The following DMGDH variants were observed in gnomAD, a reference collection of about 807,000 sequenced individuals.
The protein encoded by DMGDH is dimethylglycine dehydrogenase.
A neutral mutation model predicts 95.2 loss-of-function variants in DMGDH; 76 were observed. That is an observed-to-expected ratio of 0.80 (90% confidence interval 0.66 to 0.97). The LOEUF is 0.97. DMGDH is among the 50% of genes least tolerant of loss of function. DMGDH has a pLI of 0.00. For synonymous variants in DMGDH, 345 were observed against 377.6 expected (o/e 0.91, Z 1.00); for missense variants, 987 against 1,055.0 (o/e 0.94, Z 0.89).
chr5:79,042,567 A>ATC, intron 6 of DMGDH, 86 bp from the exon 7 acceptor site: 3 of 1,312,222 alleles, frequency 2.3e-6, no homozygotes, highest in Non-Finnish European at 3.3e-6. Context: ...CATGGCCTAC[A>ATC]TTTAAAGATG....
intron 3 of DMGDH, among the ~76,000 whole-genome samples, chr5:79,055,251 C>T (rs1224902181): frequency 6.6e-6 from 1 of 152,214 alleles, no homozygotes; most frequent in East Asian, 1.9e-4. Flanking sequence ...GTTCCTAAGG[C>T]CATGCTAATC....
chr5:79,061,478 G>A (rs964407018), intron 2 of DMGDH, among the ~76,000 whole-genome samples: 3 of 152,094 alleles, frequency 2.0e-5, no homozygotes, highest in Non-Finnish European at 4.4e-5. Context: ...ATGCAAAGCA[G>A]GATAATGCCT....
Position 79,042,393 on chromosome 5 carries a change from C to A in DMGDH, c.1083G>T (p.Lys361Asn). ...AAMEMVPVLK[K>N]ADIINVVNGP... ...CATTGACAACATTGATGATGTCAGC[C>A]TTTTTCAAGACAGGAACCATTTCCA... Residue 361 changes from lysine to asparagine, a missense_variant, in exon 7 of 16, where the codon AAG becomes AAT. Transcript: ENST00000255189. The A allele has an allele frequency of 1.2e-6, 2 of 1,614,142 alleles. No homozygotes were observed. The highest frequency in any genetic ancestry group is 8.5e-7 in the Non-Finnish European group (1 of 1,179,994).
Position 79,051,558 on chromosome 5 carries a change from C to T in DMGDH, c.541-67G>A, listed in dbSNP as rs1042318507. The T allele has an allele frequency of 2.8e-6, 4 of 1,426,560 alleles. No homozygotes were observed. In the African/African-American group the frequency reaches 5.7e-5, roughly 20 times the overall value. The allele number at this position is 1,426,560 out of a possible 1,614,324, so 88.4% of individuals were successfully genotyped here. A position where few individuals can be genotyped will look rare whatever the true frequency, so the allele number is the denominator to read the frequency against. On this transcript the variant is annotated intron_variant, in intron 4 of 15. Coordinates refer to ENST00000255189, the MANE Select transcript of DMGDH (RefSeq NM_013391.3). ...ACTTATTACTCAGTAAAAATATATC[C>T]TGCTAGTAAACGTTTAGTAAAACTG...
intron 11 of DMGDH, 70 bp from the exon 12 acceptor site, chr5:79,028,720 C>G (rs760116565): frequency 1.7e-4 from 255 of 1,489,950 alleles, no homozygotes; most frequent in Non-Finnish European, 2.3e-4. Context: ...AATTATCTCT[C>G]TGAAGACATG....
chr5:78,999,091 G>A lies in DMGDH; in HGVS notation c.2386-794C>T, dbSNP rs4537039. 8.5e-3 allele frequency among the ~76,000 whole-genome samples: 1,296 copies of A among 152,318 alleles called. 14 individuals carry two copies. Among genetic ancestry groups the A allele is most frequent in the African/African-American group, 0.03 (1,249 of 41,564 alleles). On this transcript the variant is annotated intron_variant, in intron 15 of 15. Coordinates refer to ENST00000255189, the MANE Select transcript of DMGDH (RefSeq NM_013391.3). ...CTAATCCTTAAAGTCCTACCGTCTG[G>A]CACAGTGGACTGCTTACAGCTGGAG...
intron 1 of DMGDH, 91 bp from the exon 2 acceptor site, chr5:79,063,878 T>C: frequency 7.8e-7 from 1 of 1,280,264 alleles, no homozygotes; most frequent in Non-Finnish European, 1.1e-6. Flanking sequence ...GTTTCTCTAG[T>C]ACTTAACACC....
chr5:79,039,997 C>A (rs1754462921), intron 7 of DMGDH, among the ~76,000 whole-genome samples: 1 of 151,594 alleles, frequency 6.6e-6, no homozygotes. Context: ...TACTCCTGAG[C>A]TGAATCCTTT....
chr5:79,042,335 T>G lies in DMGDH; in HGVS notation c.1141A>C (p.Met381Leu). The change falls in exon 7 of 16, where the codon ATG (methionine) becomes CTG (leucine). Residue 381 changes from methionine (M) to leucine (L), a missense_variant. By Grantham distance (15) the Met-to-Leu change is conservative. Coordinates refer to ENST00000255189, the MANE Select transcript of DMGDH (RefSeq NM_013391.3). ...PITYSPDILP[M>L]VGPHQGVRNY... ...CTGACCCCCTGATGGGGCCCCACCA[T>G]AGGCAGAATGTCAGGAGAATACGTG... 1 of 1,614,208 alleles carries G rather than the reference T, an allele frequency of 6.2e-7. No homozygotes were observed. Among genetic ancestry groups the G allele is most frequent in the Non-Finnish European group, 8.5e-7 (1 of 1,180,004 alleles).
intron 14 of DMGDH, chr5:79,021,047 C>T: frequency 1.0e-6 from 1 of 985,626 alleles, no homozygotes; most frequent in Non-Finnish European, 1.2e-6. Context: ...TCCTTTGGAA[C>T]ATACCAAAAA....
rs372071979 is a variant in DMGDH, at chr5:79,067,510, A to G, written c.101+2010T>C. Among the ~76,000 whole-genome samples, 18 of 152,366 alleles carry G rather than the reference A, an allele frequency of 1.2e-4. No individual in the cohort carries two copies. In the East Asian group the frequency reaches 2.1e-3, roughly 18 times the overall value. On this transcript the variant is annotated intron_variant, in intron 1 of 15. Coordinates refer to ENST00000255189, the MANE Select transcript of DMGDH (RefSeq NM_013391.3). ...CAGGAAACCTGGGTTTGAGTCCCCAATCCAACTGAACAGCTATTTTAGAGA... is the reference window on the plus strand; with the variant it reads ...CAGGAAACCTGGGTTTGAGTCCCCAGTCCAACTGAACAGCTATTTTAGAGA...
rs561320281 is a variant in DMGDH, at chr5:79,030,926, C to T, written c.1590G>A (p.Ala530=). 2.0e-5 allele frequency: 32 copies of T among 1,614,074 alleles called. No individual in the cohort carries two copies. The highest frequency in any genetic ancestry group is 2.4e-5 in the Non-Finnish European group (28 of 1,179,992). Residue 530 remains alanine (A), a synonymous_variant, in exon 10 of 16, where the codon GCG becomes GCA. Coordinates refer to ENST00000255189, the MANE Select transcript of DMGDH (RefSeq NM_013391.3). ...TGCCAAATGGTGATAGGTCAGTTAC[C>T]GCTACTCTTTGCATAACCTGTTTAT... ...SEYKQVMQRV[A]VTDLSPFGKF...
In DMGDH at chr5:79,026,528, C is replaced by T; in HGVS notation, c.2086G>A (p.Asp696Asn). 6.2e-7 allele frequency: 1 copy of T among 1,614,148 alleles called. No homozygotes were observed. The highest frequency in any genetic ancestry group is 8.5e-7 in the Non-Finnish European group (1 of 1,180,026). The change falls in exon 13 of 16, where the codon GAC becomes AAC. Residue 696 changes from aspartate to asparagine, a missense_variant. Coordinates refer to ENST00000255189, the MANE Select transcript of DMGDH (RefSeq NM_013391.3). ...HRREDSVALY[D>N]AIMNAGQEEG... ...TCCTGGCCTGCATTCATGATAGCGT[C>T]ATACAGCGCCACAGAATCTTCTCTT...
chr5:79,034,160 G>A (rs1754274068), intron 7 of DMGDH, among the ~76,000 whole-genome samples: 1 of 152,080 alleles, frequency 6.6e-6, no homozygotes, highest in Non-Finnish European at 1.5e-5. Context: ...GTACTGTGGT[G>A]TCCCATCCAT....
At chr5:79,056,183 C>T (rs16876413) in intron 2 of DMGDH, among the ~76,000 whole-genome samples, 10,516 of 152,114 alleles carry the variant, frequency 0.069, 794 homozygotes, top group African/African-American at 0.17. Context: ...TAGCGTTGTA[C>T]AGAGATTCAG....
At chr5:79,031,030 C>T (rs760391693) in intron 9 of DMGDH, 32 bp from the exon 10 acceptor site, 4 of 1,613,406 alleles carry the variant, frequency 2.5e-6, no homozygotes, top group East Asian at 4.5e-5. Flanking sequence ...CATAAAACAA[C>T]TCCCGTTCAT....
intron 15 of DMGDH, among the ~76,000 whole-genome samples, chr5:79,002,325 C>G (rs1011520255): frequency 6.6e-6 from 1 of 152,194 alleles, no homozygotes; most frequent in African/African-American, 2.4e-5. Context: ...CTTTTAATAA[C>G]TGAGCCACCG....
chr5:79,050,522 T>G (rs1209455497), intron 5 of DMGDH, among the ~76,000 whole-genome samples: 3 of 152,200 alleles, frequency 2.0e-5, no homozygotes, highest in Non-Finnish European at 4.4e-5. Context: ...CAGTTTAGAC[T>G]GCACAAGCAT....
intron 15 of DMGDH, among the ~76,000 whole-genome samples, chr5:79,003,072 G>A (rs1470124593): frequency 6.6e-6 from 1 of 152,238 alleles, no homozygotes; most frequent in Non-Finnish European, 1.5e-5. Flanking sequence ...TCAGTTGATT[G>A]TGGATGACGT....
Sources: allele counts gnomAD v4.1 joint callset (sites outside exome capture counted in the v4.1 genomes callset), GRCh38; gene constraint gnomAD v4.1.1; transcripts MANE v1.5; gene names NCBI Gene and HGNC (gene_info 2026-07-23, HGNC 2026-07-21).